The following LRGUK variants were observed in gnomAD, a reference collection of about 807,000 sequenced individuals.
The protein encoded by LRGUK is leucine rich repeats and guanylate kinase domain containing.
Under a neutral mutation model 76.0 loss-of-function variants are expected in LRGUK, and 65 were observed. That is an observed-to-expected ratio of 0.85 (90% CI 0.70 to 1.05). The LOEUF is 1.05. Ranked by LOEUF, LRGUK falls within the 50% of genes least tolerant of loss-of-function variation. The pLI is 0.00. For missense variants in LRGUK, 758 were observed against 732.8 expected, an observed-to-expected ratio of 1.03 and a Z score of -0.40; for synonymous variants, 268 against 265.6, an observed-to-expected ratio of 1.01 and a Z score of -0.09.
chr7:134,246,037 AT>A (rs1446055892), intron 16 of LRGUK, among the ~76,000 whole-genome samples: 1 of 152,168 alleles, frequency 6.6e-6, no homozygotes, highest in East Asian at 1.9e-4. Flanking sequence ...AAGTAAAATG[AT>A]TTTGGTAATC....
At chr7:134,170,525 A>C (rs2116964819) in intron 7 of LRGUK, among the ~76,000 whole-genome samples, 1 of 152,256 alleles carries the variant, frequency 6.6e-6, no homozygotes, top group African/African-American at 2.4e-5. Context: ...AGAATAACTA[A>C]AAGAGTAGAA....
intron 7 of LRGUK, among the ~76,000 whole-genome samples, chr7:134,167,620 A>G (rs957958660): frequency 1.3e-5 from 2 of 152,120 alleles, no homozygotes; most frequent in African/African-American, 4.8e-5. Flanking sequence ...CAGCACTCTT[A>G]GGGGCAGCTG....
intron 4 of LRGUK, among the ~76,000 whole-genome samples, chr7:134,147,831 G>A (rs1798040158): frequency 6.6e-6 from 1 of 152,076 alleles, no homozygotes; most frequent in African/African-American, 2.4e-5. Flanking sequence ...GGAGGCTGAG[G>A]CGGGTGGATC....
At chr7:134,268,622 ACT>A (rs1039107186), downstream of LRGUK, among the ~76,000 whole-genome samples, 5 of 151,808 alleles carry the variant, frequency 3.3e-5, no homozygotes, top group African/African-American at 1.2e-4. Context: ...AAACTTCACA[ACT>A]CATTTTATGA....
chr7:134,221,131 C>T (rs1405878064), intron 15 of LRGUK, among the ~76,000 whole-genome samples: 2 of 152,140 alleles, frequency 1.3e-5, no homozygotes, highest in East Asian at 3.9e-4. Flanking sequence ...CACTTCTGCT[C>T]AGTCCATCAT....
At chr7:134,174,348 C>T (rs1366082527) in intron 7 of LRGUK, among the ~76,000 whole-genome samples, 2 of 152,034 alleles carry the variant, frequency 1.3e-5, no homozygotes, top group Non-Finnish European at 2.9e-5. Flanking sequence ...AGAAAGAAAA[C>T]GTGGTTGTGT....
Position 134,174,654 on chromosome 7 carries a change from T to C in LRGUK, c.1020+18T>C. The C allele has an allele frequency of 2.1e-6, 3 of 1,407,624 alleles. No individual in the cohort carries two copies. The highest frequency in any genetic ancestry group is 2.3e-5 in the East Asian group (1 of 43,846). 87.2% of individuals were successfully genotyped at this position (1,407,624 alleles called of 1,614,324 possible). ...CAATTCAGGTGAGACATTATTTATA[T>C]CAGGGAGGGAGACAGAGAAGAAAGT... On this transcript the variant is annotated intron_variant, in intron 8 of 15. Coordinates refer to ENST00000645682, the Ensembl canonical transcript of LRGUK.
intron 12 of LRGUK, among the ~76,000 whole-genome samples, chr7:134,195,177 T>C (rs1800428484): frequency 6.6e-6 from 1 of 152,172 alleles, no homozygotes; most frequent in East Asian, 1.9e-4. Flanking sequence ...GTGCAGGGTC[T>C]ACAAAATATC....
chr7:134,259,406 ACT>A (rs1437110548), intron 19 of LRGUK, among the ~76,000 whole-genome samples: 1 of 151,406 alleles, frequency 6.6e-6, no homozygotes, highest in Admixed American at 6.6e-5. Flanking sequence ...AATGGGGAGA[ACT>A]CTCTAATGCA....
intron 5 of LRGUK, among the ~76,000 whole-genome samples, chr7:134,155,969 G>T (rs1046986293): frequency 6.6e-6 from 1 of 152,160 alleles, no homozygotes; most frequent in African/African-American, 2.4e-5. Flanking sequence ...GGAAGAAATG[G>T]TTTGTCTAGA....
At chr7:134,127,546 A>G (rs1312505926) in exon 1 of LRGUK, 1 of 1,613,976 alleles carries the variant, frequency 6.2e-7, no homozygotes, top group African/African-American at 1.3e-5. Context: ...GCCTCCTCCT[A>G]CCTGCTCCAG....
At chr7:134,259,486 G>T (rs906861745) in intron 19 of LRGUK, among the ~76,000 whole-genome samples, 3 of 152,142 alleles carry the variant, frequency 2.0e-5, no homozygotes, top group Admixed American at 1.3e-4. Flanking sequence ...TGCTTGCTCA[G>T]GTGACCGGAG....
At chr7:134,166,858 C>T (rs1251258423) in intron 7 of LRGUK, among the ~76,000 whole-genome samples, 1 of 152,214 alleles carries the variant, frequency 6.6e-6, no homozygotes, top group African/African-American at 2.4e-5. Flanking sequence ...CATTACCCCC[C>T]TCTTCACTGA....
chr7:134,260,025 G>A (rs1389718685), intron 19 of LRGUK, among the ~76,000 whole-genome samples: 1 of 152,144 alleles, frequency 6.6e-6, no homozygotes, highest in Non-Finnish European at 1.5e-5. Context: ...TATCAGTGGT[G>A]TGGTACAGTA....
intron 1 of LRGUK, among the ~76,000 whole-genome samples, chr7:134,133,590 G>A (rs1797398199): frequency 6.6e-6 from 1 of 152,154 alleles, no homozygotes; most frequent in Non-Finnish European, 1.5e-5. Flanking sequence ...CAAGCACAGT[G>A]GCTGGCATGT....
chr7:134,233,629 T>G, intron 16 of LRGUK, among the ~76,000 whole-genome samples: 1 of 152,364 alleles, frequency 6.6e-6, no homozygotes, highest in Admixed American at 6.5e-5. Context: ...TGTCCAAGTA[T>G]CACACAGCTT....
chr7:134,255,888 G>C (rs1440618400), intron 18 of LRGUK, among the ~76,000 whole-genome samples: 1 of 152,048 alleles, frequency 6.6e-6, no homozygotes, highest in African/African-American at 2.4e-5. Context: ...ATATCTGAGG[G>C]CATCCAGTGA....
At chr7:134,239,851 C>T (rs766767415) in intron 16 of LRGUK, among the ~76,000 whole-genome samples, 3 of 152,208 alleles carry the variant, frequency 2.0e-5, no homozygotes, top group Middle Eastern at 3.2e-3. Flanking sequence ...TGAGACGAAG[C>T]TTCCAGAGGA....
intron 11 of LRGUK, among the ~76,000 whole-genome samples, chr7:134,187,002 A>G (rs1346252884): frequency 1.3e-5 from 2 of 152,190 alleles, no homozygotes; most frequent in Non-Finnish European, 2.9e-5. Flanking sequence ...GTTCACTGTC[A>G]TTCTCATGAA....
Sources: allele counts gnomAD v4.1 joint callset (sites outside exome capture counted in the v4.1 genomes callset), GRCh38; gene constraint gnomAD v4.1.1; transcripts MANE v1.5; gene names NCBI Gene and HGNC (gene_info 2026-07-23, HGNC 2026-07-21).